The following ATAD3A variants were observed in gnomAD, a reference collection of about 807,000 sequenced individuals.
ATAD3A encodes ATPase family AAA domain containing 3A, also known as ATPase family AAA domain-containing protein 3A.
A neutral mutation model predicts 73.8 loss-of-function variants in ATAD3A; 46 were observed. The observed-to-expected ratio is 0.62, with a 90% CI of 0.49 to 0.80. The LOEUF (loss-of-function observed/expected upper bound fraction) is 0.80. ATAD3A is among the 30% of genes least tolerant of loss of function. The pLI is 0.00. For synonymous variants in ATAD3A, 319 were observed against 350.0 expected (o/e 0.91, Z 0.99); for missense variants, 705 against 838.0 (o/e 0.84, Z 1.96).
chr1:1,522,986 G>T, intron 8 of ATAD3A, 87 bp downstream of exon 8: 1 of 1,540,116 alleles, frequency 6.5e-7, no homozygotes, highest in South Asian at 1.2e-5. Flanking sequence ...ACACCCTCCC[G>T]TCCCTTCCCT....
chr1:1,520,486 G>A lies in ATAD3A; in HGVS notation c.681-62G>A. On this transcript the variant is annotated intron_variant, in intron 6 of 15. Transcript: ENST00000378756. This position sits in a 1 kb window ranked among gnomAD's most constrained non-coding sequence, Gnocchi z 4.0. ...CATGTCAGGGCCTCACCCTCAACCT[G>A]CTCTCGCTGCGTGGCACGGATCTTC... 2 of 1,613,734 alleles carry A rather than the reference G, an allele frequency of 1.2e-6. No homozygotes were observed. Among genetic ancestry groups the A allele is most frequent in the Non-Finnish European group, 1.7e-6 (2 of 1,179,648 alleles).
At chr1:1,516,804 A>G (rs1414495451) in intron 2 of ATAD3A, among the ~76,000 whole-genome samples, 2 of 144,458 alleles carry the variant, frequency 1.4e-5, no homozygotes, top group Non-Finnish European at 1.5e-5. Context: ...CGCAACCTCT[A>G]CCTCCCGGGT....
intron 12 of ATAD3A, among the ~76,000 whole-genome samples, chr1:1,525,793 C>T (rs1406088689): frequency 3.3e-5 from 5 of 152,068 alleles, no homozygotes; most frequent in African/African-American, 1.2e-4. Context: ...GTTGCCTCGA[C>T]CTCTGGAGCT....
intron 13 of ATAD3A, 96 bp downstream of exon 13, chr1:1,526,627 T>G: frequency 6.3e-7 from 1 of 1,583,502 alleles, no homozygotes; most frequent in Non-Finnish European, 8.6e-7. Context: ...TGGCTCACAG[T>G]GCTGGGCAGC....
intron 13 of ATAD3A, chr1:1,527,303 T>C: frequency 8.5e-7 from 1 of 1,170,414 alleles, no homozygotes; most frequent in Non-Finnish European, 1.1e-6. Flanking sequence ...GAGGCAAGGC[T>C]GGGGCCCTGC....
chr1:1,518,815 C>T lies in ATAD3A; in HGVS notation c.445-106C>T, dbSNP rs1368218696. On this transcript the variant is annotated intron_variant, in intron 4 of 15. Transcript: ENST00000378756. Reference sequence around the variant, plus strand: ...AACGGGCACCGTCACACCCCGCAAACGGGCACACTCACCCCCCTGCACACT... The same window carrying T: ...AACGGGCACCGTCACACCCCGCAAATGGGCACACTCACCCCCCTGCACACT... 1.8e-4 allele frequency: 286 copies of T among 1,597,368 alleles called. 1 individual carries two copies. The highest frequency in any genetic ancestry group is 1.8e-4 in the South Asian group (16 of 89,578).
intron 13 of ATAD3A, chr1:1,527,251 C>A (rs938762415): frequency 1.6e-6 from 2 of 1,286,992 alleles, no homozygotes; most frequent in Non-Finnish European, 1.0e-6. Flanking sequence ...CAGCTGCTGC[C>A]GGTGGATGCT....
intron 4 of ATAD3A, among the ~76,000 whole-genome samples, 194 bp from the exon 5 acceptor site, chr1:1,518,727 A>G (rs1290081342): frequency 1.4e-4 from 14 of 102,120 alleles, no homozygotes; most frequent in African/African-American, 4.6e-4. Flanking sequence ...CATGGGCACA[A>G]TCACCCCCAC....
chr1:1,526,004 G>C (rs1413395152), intron 12 of ATAD3A, among the ~76,000 whole-genome samples: 1 of 151,776 alleles, frequency 6.6e-6, no homozygotes, highest in African/African-American at 2.4e-5. Flanking sequence ...CCCCGTGCCC[G>C]GTCAGGCTTT....
At position 1,524,307 on chromosome 1, in the gene ATAD3A, T is replaced by C; in HGVS notation, c.1124T>C (p.Ile375Thr). The change falls in exon 11 of 16, where the codon ATC becomes ACC. Residue 375 changes from isoleucine (I) to threonine (T), a missense_variant. Ile to Thr is a moderately conservative substitution (Grantham distance 89). Coordinates refer to ENST00000378756, the MANE Select transcript of ATAD3A (RefSeq NM_001170535.3). ...LALHSGMDYA[I>T]MTGGDVAPMG... ...CTGCACTCAGGCATGGACTACGCCATCATGACAGGCGGGGACGTGGCCCCC... is the reference window on the plus strand; with the variant it reads ...CTGCACTCAGGCATGGACTACGCCACCATGACAGGCGGGGACGTGGCCCCC... 6.2e-7 allele frequency: 1 copy of C among 1,613,698 alleles called. No homozygotes were observed. The highest frequency in any genetic ancestry group is 1.1e-5 in the South Asian group (1 of 91,072).
At chr1:1,516,282 G>A (rs988023926) in intron 2 of ATAD3A, among the ~76,000 whole-genome samples, 194 bp downstream of exon 2, 4 of 144,744 alleles carry the variant, frequency 2.8e-5, no homozygotes, top group Non-Finnish European at 2.9e-5. Context: ...AGAGCCGCCC[G>A]AGAGGGAGGG....
chr1:1,523,412 C>G lies in ATAD3A; in HGVS notation c.907-99C>G. On this transcript the variant is annotated intron_variant, in intron 8 of 15. Transcript: ENST00000378756. This position sits in a 1 kb window ranked among gnomAD's most constrained non-coding sequence, Gnocchi z 5.1. ...CGGTCCTGGCTGTGCTTTGGGGCAG[C>G]TCCGTTTCTGCGTGTTACCGAGCGT... 6 of 1,533,830 alleles carry G rather than the reference C, an allele frequency of 3.9e-6. No homozygotes were observed. Among genetic ancestry groups the G allele is most frequent in the Non-Finnish European group, 5.3e-6 (6 of 1,133,580 alleles).
chr1:1,534,281 C>T lies in ATAD3A; in HGVS notation c.*209C>T, dbSNP rs898768425. The T allele has an allele frequency of 1.3e-5, 19 of 1,450,650 alleles. No homozygotes were observed. The highest frequency in any genetic ancestry group is 2.9e-5 in the African/African-American group (2 of 69,414). The allele number at this position is 1,450,650 out of a possible 1,614,324, so 89.9% of individuals were successfully genotyped here. A position where few individuals can be genotyped will look rare whatever the true frequency, so the allele number is the denominator to read the frequency against. ...TAGGCACTGGCTAGGGAGGGGCAGG[C>T]CTCCTTCCTGCCCCTCGAGACACTC... On this transcript the variant is annotated 3_prime_UTR_variant, in exon 16 of 16. Transcript: ENST00000378756.
chr1:1,516,084 T>C lies in ATAD3A; in HGVS notation c.278T>C (p.Leu93Pro). The C allele has an allele frequency of 6.2e-7, 1 of 1,613,340 alleles. No homozygotes were observed. Among genetic ancestry groups the C allele is most frequent in the Non-Finnish European group, 8.5e-7 (1 of 1,179,866 alleles). ...QTLQLEQQSK[L>P]KEYEAAVEQL... The stretch of plus-strand genomic sequence containing the variant: ...CTGCAGTTGGAGCAACAGTCCAAGC[T>C]CAAAGTGAGTGGGGCCGGTGTGGGT... The change falls in exon 2 of 16, where the codon CTC (leucine) becomes CCC (proline). Residue 93 changes from leucine to proline, a missense_variant. This residue lies in a region of ATAD3A where 125 missense variants were observed against 170.6 expected (regional missense o/e 0.73). Transcript: ENST00000378756.
rs59830143 is a variant in ATAD3A at position 1,530,685 on chromosome 1, C to T, written c.1614+1354C>T. ...TCTACTAAAAATACAAAAAATTAGCCGGGCGTAGTGGCGGGCGCCTGTAGT... is the reference window on the plus strand; with the variant it reads ...TCTACTAAAAATACAAAAAATTAGCTGGGCGTAGTGGCGGGCGCCTGTAGT... On this transcript the variant is annotated intron_variant, in intron 15 of 15. Coordinates refer to ENST00000378756, the MANE Select transcript of ATAD3A (RefSeq NM_001170535.3). 4.8e-3 allele frequency among the ~76,000 whole-genome samples: 585 copies of T among 122,528 alleles called. 117 individuals are homozygous for T. In the East Asian group the frequency reaches 0.11, roughly 23 times the overall value. 80.4% of individuals were successfully genotyped at this position (122,528 alleles called of 152,430 possible).
rs886849743 is a variant in ATAD3A at position 1,523,239 on chromosome 1, C to G, written c.907-272C>G. Among the ~76,000 whole-genome samples, 1 of 151,954 alleles carries G rather than the reference C, an allele frequency of 6.6e-6. No homozygotes were observed. Among genetic ancestry groups the G allele is most frequent in the African/African-American group, 2.4e-5 (1 of 41,322 alleles). Reference sequence around the variant, plus strand: ...GTCTGGTGGCCTCCCTGGGGAGCCGCGCCGCTCGCCGCCCCCGAGGTGCCT... The same window carrying G: ...GTCTGGTGGCCTCCCTGGGGAGCCGGGCCGCTCGCCGCCCCCGAGGTGCCT... On this transcript the variant is annotated intron_variant, in intron 8 of 15. Transcript: ENST00000378756. This position sits in a 1 kb window ranked among gnomAD's most constrained non-coding sequence, Gnocchi z 5.1.
Position 1,534,182 on chromosome 1 carries a change from G to T in ATAD3A, c.*110G>T. 2.5e-6 allele frequency: 4 copies of T among 1,573,158 alleles called. No homozygotes were observed. The highest frequency in any genetic ancestry group is 3.4e-6 in the Non-Finnish European group (4 of 1,160,082). ...TGCTCCTGGGTGGGGACTGGGCTGT[G>T]CCCAGGGCCTCTGTCCCCCAGGATG... On this transcript the variant is annotated 3_prime_UTR_variant, in exon 16 of 16. Coordinates refer to ENST00000378756, the MANE Select transcript of ATAD3A (RefSeq NM_001170535.3).
intron 1 of ATAD3A, 95 bp from the exon 2 acceptor site, chr1:1,515,917 C>T (rs1388058237): frequency 3.5e-6 from 5 of 1,443,150 alleles, no homozygotes; most frequent in Non-Finnish European, 4.8e-6. Flanking sequence ...CGAGGCGTGG[C>T]CGTGGATTCC....
intron 11 of ATAD3A, among the ~76,000 whole-genome samples, chr1:1,524,918 C>G (rs1396890244): frequency 1.3e-5 from 2 of 152,112 alleles, no homozygotes; most frequent in Admixed American, 6.5e-5. Context: ...TGACCTTTCA[C>G]TTTAGAAGAC....
Sources: gnomAD v4.1 joint callset for allele counts (sites outside exome capture counted in the v4.1 genomes callset) on GRCh38, gnomAD v4.1.1 for gene constraint, gnomAD v4.1.1 regional missense constraint, Gnocchi (gnomAD v3.1) non-coding constraint, MANE v1.5 for transcripts, NCBI Gene and HGNC (gene_info 2026-07-23, HGNC 2026-07-21) for gene names.